The following PARD6G variants were observed in gnomAD, a reference collection of about 807,000 sequenced individuals.
The protein encoded by PARD6G is par-6 family cell polarity regulator gamma.
In PARD6G, 7 loss-of-function variants were observed where a neutral mutation model predicts 10.7. That is an observed-to-expected ratio of 0.66 (90% CI 0.37 to 1.23). The LOEUF (loss-of-function observed/expected upper bound fraction) is 1.23. PARD6G is among the 50% of genes most tolerant of loss of function. The pLI is 0.02. For missense variants in PARD6G, 548 were observed against 571.8 expected (o/e 0.96, Z 0.42); for synonymous variants, 287 against 269.4 (o/e 1.07, Z -0.64).
At position 80,157,627 on chromosome 18, in the gene PARD6G, G is replaced by C. The variant is rs1270229507; in HGVS notation, c.*2144C>G. On this transcript the variant is annotated 3_prime_UTR_variant, in exon 3 of 3. Transcript: ENST00000353265. ...CCACAAAAACTGCTTCTGACTGCTG[G>C]GGCACTGAACGACATGCCCTTCATC... 1.3e-5 allele frequency: 2 copies of C among 152,092 alleles called. No individual in the cohort carries two copies. Among genetic ancestry groups the C allele is most frequent in the African/African-American group, 4.8e-5 (2 of 41,378 alleles). 9.4% of individuals were successfully genotyped at this position (152,092 alleles called of 1,614,324 possible). A position where few individuals can be genotyped will look rare whatever the true frequency, so the allele number is the denominator to read the frequency against.
intron 2 of PARD6G, among the ~76,000 whole-genome samples, chr18:80,191,451 C>T (rs1966895936): frequency 6.6e-6 from 1 of 152,182 alleles, no homozygotes; most frequent in Non-Finnish European, 1.5e-5. Context: ...TTACTCAAAA[C>T]ACTCTGAGTG....
chr18:80,194,848 G>C (rs1326434257), intron 2 of PARD6G, among the ~76,000 whole-genome samples: 4 of 152,234 alleles, frequency 2.6e-5, no homozygotes, highest in Admixed American at 6.5e-5. Flanking sequence ...GTCAGCATGA[G>C]GAGACCAGGG....
At chr18:80,240,759 T>C (rs186201947) in intron 1 of PARD6G, among the ~76,000 whole-genome samples, 32 of 152,144 alleles carry the variant, frequency 2.1e-4, no homozygotes, top group Non-Finnish European at 4.4e-5. Flanking sequence ...GTGGGATGAC[T>C]GGGCTGCACC....
chr18:80,195,589 C>CT (rs1426445815), intron 2 of PARD6G, among the ~76,000 whole-genome samples: 3 of 52,678 alleles, frequency 5.7e-5, no homozygotes, highest in Non-Finnish European at 9.3e-5. Flanking sequence ...ATTTTTTTTT[C>CT]TTTTTTTTTC....
At chr18:80,176,089 CCAGGATGAAGACAGAAAAGCGG>C (rs1439122970) in intron 2 of PARD6G, among the ~76,000 whole-genome samples, 1 of 151,540 alleles carries the variant, frequency 6.6e-6, no homozygotes, top group African/African-American at 2.4e-5. Context: ...GCTCCTAGAG[CCAGGATGAAGACAGAAAAGCGG>C]GGGTGGGGGG....
intron 1 of PARD6G, among the ~76,000 whole-genome samples, chr18:80,209,099 C>T (rs890220860): frequency 6.6e-6 from 1 of 150,714 alleles, no homozygotes; most frequent in Non-Finnish European, 1.5e-5. Context: ...GACTCCATCT[C>T]GAAAAAAGAA....
chr18:80,243,684 A>G (rs1378305304), intron 1 of PARD6G, among the ~76,000 whole-genome samples: 1 of 152,180 alleles, frequency 6.6e-6, no homozygotes, highest in East Asian at 1.9e-4. Flanking sequence ...GATGACCAGA[A>G]ACACCAAGAA....
In PARD6G at chr18:80,159,332, A is replaced by G. The variant is rs1465455406; in HGVS notation, c.*439T>C. On this transcript the variant is annotated 3_prime_UTR_variant, in exon 3 of 3. Coordinates refer to ENST00000353265, the MANE Select transcript of PARD6G (RefSeq NM_032510.4). ...AGCCTCTTGTCACGTACATCAGCAC[A>G]GTCGGCCTCGCCTGCAAGTCAGCAG... The G allele has an allele frequency of 6.5e-6, 1 of 154,476 alleles. No individual in the cohort carries two copies. The highest frequency in any genetic ancestry group is 1.4e-5 in the Non-Finnish European group (1 of 69,460). 9.6% of individuals were successfully genotyped at this position (154,476 alleles called of 1,614,324 possible). A position where few individuals can be genotyped will look rare whatever the true frequency, so the allele number is the denominator to read the frequency against.
chr18:80,198,012 C>A (rs1966973994), intron 2 of PARD6G, among the ~76,000 whole-genome samples: 1 of 152,202 alleles, frequency 6.6e-6, no homozygotes, highest in Non-Finnish European at 1.5e-5. Flanking sequence ...GGGAAAAGCC[C>A]ATGGCTTTTC....
In PARD6G at chr18:80,175,752, A is replaced by G. The variant is rs1046545182; in HGVS notation, c.296-15146T>C. The G allele has an allele frequency of 6.1e-6, 1 of 164,138 alleles. No individual in the cohort carries two copies. The highest frequency in any genetic ancestry group is 1.5e-5 in the Non-Finnish European group (1 of 68,120). 10.2% of individuals were successfully genotyped at this position (164,138 alleles called of 1,614,324 possible). ...ATGTTCACCATCACAAAAAAACACC[A>G]CAGCGAACAACCACACAGACCCGCC... On this transcript the variant is annotated intron_variant, in intron 2 of 2. Coordinates refer to ENST00000353265, the MANE Select transcript of PARD6G (RefSeq NM_032510.4). The surrounding 1 kb of genome is among the most constrained non-coding windows in gnomAD (Gnocchi z 6.7).
chr18:80,208,561 C>G (rs1478462417), intron 1 of PARD6G, among the ~76,000 whole-genome samples: 1 of 152,110 alleles, frequency 6.6e-6, no homozygotes, highest in African/African-American at 2.4e-5. Context: ...GCCATCCTAT[C>G]CCGGGAGGTC....
At position 80,181,485 on chromosome 18, in the gene PARD6G, G is replaced by A. The variant is rs140138674; in HGVS notation, c.296-20879C>T. ...CAAGAAGGCCTCATCTCCATACAGC[G>A]CTGCGGCCAGCTGGTGACAGGTCTC... is the stretch of plus-strand genomic sequence containing the variant. On this transcript the variant is annotated intron_variant, in intron 2 of 2. Coordinates refer to ENST00000353265, the MANE Select transcript of PARD6G (RefSeq NM_032510.4). This position sits in a 1 kb window ranked among gnomAD's most constrained non-coding sequence, Gnocchi z 7.9. 5.3e-5 allele frequency among the ~76,000 whole-genome samples: 8 copies of A among 152,286 alleles called. No homozygotes were observed. In the East Asian group the frequency reaches 1.5e-3, roughly 29 times the overall value.
At chr18:80,191,277 G>A (rs754906605) in intron 2 of PARD6G, among the ~76,000 whole-genome samples, 13 of 152,164 alleles carry the variant, frequency 8.5e-5, no homozygotes, top group Non-Finnish European at 1.6e-4. Flanking sequence ...AGAAAATGTC[G>A]GGGCAGCAGC....
intron 2 of PARD6G, among the ~76,000 whole-genome samples, chr18:80,187,397 C>A (rs920464195): frequency 5.3e-5 from 8 of 152,166 alleles, no homozygotes; most frequent in African/African-American, 1.9e-4. Flanking sequence ...ACACACGAGG[C>A]GTGTGTGTGA....
chr18:80,205,879 A>G (rs542263595), intron 1 of PARD6G, among the ~76,000 whole-genome samples: 1 of 152,360 alleles, frequency 6.6e-6, no homozygotes, highest in African/African-American at 2.4e-5. Context: ...AACTGAATAC[A>G]TAAGATAATT....
rs961568908 is a variant in PARD6G at position 80,246,884 on chromosome 18, G to C, written c.72+393C>G. Among the ~76,000 whole-genome samples the C allele has an allele frequency of 2.6e-5, 4 of 151,802 alleles. No homozygotes were observed. The highest frequency in any genetic ancestry group is 9.7e-5 in the African/African-American group (4 of 41,322). On this transcript the variant is annotated intron_variant, in intron 1 of 2. Coordinates refer to ENST00000353265, the MANE Select transcript of PARD6G (RefSeq NM_032510.4). The surrounding 1 kb of genome is among the most constrained non-coding windows in gnomAD (Gnocchi z 6.7). ...CCATCCCACGGCCCGGGCCCCCAGAGCCCCCCCACGGCCCCGAATCCGAGC... is the reference window on the plus strand; with the variant it reads ...CCATCCCACGGCCCGGGCCCCCAGACCCCCCCCACGGCCCCGAATCCGAGC...
chr18:80,160,198 A>T lies in PARD6G; in HGVS notation c.704T>A (p.Met235Lys). The change falls in exon 3 of 3, where the codon ATG becomes AAG. Residue 235 changes from methionine to lysine, a missense_variant. This residue lies in a region of PARD6G where 313 missense variants were observed against 279.9 expected (regional missense o/e 1.12). Transcript: ENST00000353265. ...GAGGTTGTGGCTGTTGGCGATCATC[A>T]TGTCCGTGACCTGGTCCAGCGTCTT... The part of the protein sequence containing the change: ...AGKTLDQVTD[M>K]MIANSHNLIV... 6.2e-7 allele frequency: 1 copy of T among 1,613,058 alleles called. No homozygotes were observed. Among genetic ancestry groups the T allele is most frequent in the South Asian group, 1.1e-5 (1 of 91,078 alleles).
In PARD6G at chr18:80,183,298, C is replaced by G; in HGVS notation, c.295+19412G>C. ...AGGCATAGTGGAAAAGTACGCTGAC[C>G]TTCTCAGTGGCTCTAAAACAACAAG... On this transcript the variant is annotated intron_variant, in intron 2 of 2. Transcript: ENST00000353265. This position sits in a 1 kb window ranked among gnomAD's most constrained non-coding sequence, Gnocchi z 4.5. The G allele has an allele frequency of 1.6e-6, 1 of 640,070 alleles. No individual in the cohort carries two copies. The highest frequency in any genetic ancestry group is 1.7e-5 in the South Asian group (1 of 58,122). The allele number at this position is 640,070 out of a possible 1,614,324, so 39.6% of individuals were successfully genotyped here.
rs1336611151 is a variant in PARD6G at position 80,231,110 on chromosome 18, T to C, written c.72+16167A>G. Reference sequence around the variant, plus strand: ...CACCCCAGGTGGGAGGGGATGCCCCTCATGGAGGGAATGGACAAGGATGGC... The same window carrying C: ...CACCCCAGGTGGGAGGGGATGCCCCCCATGGAGGGAATGGACAAGGATGGC... On this transcript the variant is annotated intron_variant, in intron 1 of 2. Coordinates refer to ENST00000353265, the MANE Select transcript of PARD6G (RefSeq NM_032510.4). This position sits in a 1 kb window ranked among gnomAD's most constrained non-coding sequence, Gnocchi z 4.2. Among the ~76,000 whole-genome samples, 1 of 152,114 alleles carries C rather than the reference T, an allele frequency of 6.6e-6. No individual in the cohort carries two copies. The highest frequency in any genetic ancestry group is 2.4e-5 in the African/African-American group (1 of 41,424).
Sources: gnomAD v4.1 joint callset for allele counts (sites outside exome capture counted in the v4.1 genomes callset) on GRCh38, gnomAD v4.1.1 for gene constraint, gnomAD v4.1.1 regional missense constraint, Gnocchi (gnomAD v3.1) non-coding constraint, MANE v1.5 for transcripts, NCBI Gene and HGNC (gene_info 2026-07-23, HGNC 2026-07-21) for gene names.